ANKRD11: variants seen among roughly 807,000 people sequenced by gnomAD.
ANKRD11 encodes the protein ankyrin repeat domain 11.
In ANKRD11, 17 loss-of-function variants were observed where a neutral mutation model predicts 195.7. That is an observed-to-expected ratio of 0.09 (90% confidence interval 0.06 to 0.13). ANKRD11 has a LOEUF of 0.13. ANKRD11 is among the 10% of genes least tolerant of loss of function. The pLI is 1.00. For missense variants in ANKRD11, 3,735 were observed against 3,566.1 expected (o/e 1.05, Z -1.21); for synonymous variants, 1,953 against 1,528.1 (o/e 1.28, Z -6.49).
At chr16:89,320,581 C>T (rs566517530) in intron 2 of ANKRD11, among the ~76,000 whole-genome samples, 4 of 152,342 alleles carry the variant, frequency 2.6e-5, no homozygotes, top group East Asian at 3.9e-4. Context: ...GCAACCGTCC[C>T]AGCTTCGTGG....
intron 2 of ANKRD11, among the ~76,000 whole-genome samples, chr16:89,387,692 G>GAAAAAAAAAAAAAAAA (rs920498026): frequency 1.5e-5 from 1 of 67,496 alleles, no homozygotes; most frequent in Non-Finnish European, 3.1e-5. Flanking sequence ...AAAAGAAAAA[G>GAAAAAAAAAAAAAAAA]AAAAAAAAAA....
At position 89,305,648 on chromosome 16, in the gene ANKRD11, A is replaced by C. The variant is rs2036150336; in HGVS notation, c.88-304T>G. Among the ~76,000 whole-genome samples, 3 of 148,862 alleles carry C rather than the reference A, an allele frequency of 2.0e-5. 1 individual carries two copies. The highest frequency in any genetic ancestry group is 5.0e-5 in the African/African-American group (2 of 39,888). On this transcript the variant is annotated intron_variant, in intron 3 of 12. Coordinates refer to ENST00000301030, the MANE Select transcript of ANKRD11 (RefSeq NM_013275.6). Reference sequence around the variant, plus strand: ...AGGAGACACACACGCGCTACCTCTCACTCCGCAGACACGCGCTACCTCCCA... The same window carrying C: ...AGGAGACACACACGCGCTACCTCTCCCTCCGCAGACACGCGCTACCTCCCA...
intron 2 of ANKRD11, among the ~76,000 whole-genome samples, chr16:89,355,524 C>A (rs1012731154): frequency 6.6e-5 from 10 of 152,194 alleles, no homozygotes; most frequent in African/African-American, 2.4e-4. Flanking sequence ...CCATGTCCGG[C>A]ACATGCTCTG....
chr16:89,279,277 A>G lies in ANKRD11; in HGVS notation c.7265T>C (p.Ile2422Thr), dbSNP rs781533044. ...GTAGGGCTCGATGGCATCCAGCTTG[A>G]TGGCGTCCACGATGGCGGCCAGCGT... is the stretch of plus-strand genomic sequence containing the variant. Reference protein sequence around the residue: ...QQTLAAIVDAIKLDAIEPYHS... With the variant: ...QQTLAAIVDATKLDAIEPYHS... The change falls in exon 9 of 13, where the codon ATC (isoleucine) becomes ACC (threonine). Residue 2422 changes from isoleucine to threonine, a missense_variant. Physicochemically the swap from Ile to Thr is moderately conservative, Grantham distance 89 (BLOSUM62 -1). Coordinates refer to ENST00000301030, the MANE Select transcript of ANKRD11 (RefSeq NM_013275.6). The surrounding 1 kb of genome is among the most constrained non-coding windows in gnomAD (Gnocchi z 5.6). 6.2e-7 allele frequency: 1 copy of G among 1,611,756 alleles called. No homozygotes were observed. Among genetic ancestry groups the G allele is most frequent in the East Asian group, 2.2e-5 (1 of 44,868 alleles).
intron 1 of ANKRD11, among the ~76,000 whole-genome samples, chr16:89,438,810 A>G (rs1414114327): frequency 1.3e-5 from 2 of 152,134 alleles, no homozygotes; most frequent in Non-Finnish European, 2.9e-5. Flanking sequence ...GTTCAAGGCC[A>G]ACCAGAGCAA....
At chr16:89,334,172 A>AAAAAG (rs1555545552) in intron 2 of ANKRD11, among the ~76,000 whole-genome samples, 8 of 149,064 alleles carry the variant, frequency 5.4e-5, no homozygotes, top group African/African-American at 2.0e-4. Context: ...AAAAAAAAAA[A>AAAAAG]ACAGAGAGAG....
chr16:89,303,008 GACAAC>G (rs2035950430), intron 4 of ANKRD11, among the ~76,000 whole-genome samples: 1 of 152,162 alleles, frequency 6.6e-6, no homozygotes, highest in Non-Finnish European at 1.5e-5. Flanking sequence ...GGAAGCTTCT[GACAAC>G]ACAACAGGGC....
At chr16:89,368,656 C>G (rs80137645) in intron 2 of ANKRD11, among the ~76,000 whole-genome samples, 2,001 of 150,500 alleles carry the variant, frequency 0.013, 41 homozygotes, top group African/African-American at 0.045. Context: ...ATCTGTAATC[C>G]CAACATTTTG....
chr16:89,331,705 C>G (rs112841559), intron 2 of ANKRD11, among the ~76,000 whole-genome samples: 6 of 152,282 alleles, frequency 3.9e-5, no homozygotes, highest in African/African-American at 1.4e-4. Context: ...CCTACAGCCT[C>G]GAACTCCTGG....
At chr16:89,486,167 G>C (rs974919265) in intron 1 of ANKRD11, among the ~76,000 whole-genome samples, 1 of 152,152 alleles carries the variant, frequency 6.6e-6, no homozygotes, top group East Asian at 1.9e-4. Flanking sequence ...GAAAACAAAA[G>C]GGGGCTGAGC....
chr16:89,317,737 A>G (rs1239461816), intron 2 of ANKRD11, among the ~76,000 whole-genome samples: 1 of 152,200 alleles, frequency 6.6e-6, no homozygotes, highest in Non-Finnish European at 1.5e-5. Context: ...CCGAGGACAC[A>G]TACTGTATTA....
intron 2 of ANKRD11, among the ~76,000 whole-genome samples, chr16:89,394,253 C>T (rs2041328469): frequency 6.6e-6 from 1 of 152,190 alleles, no homozygotes; most frequent in African/African-American, 2.4e-5. Context: ...CAGTGGTCTC[C>T]CATGTCCCTG....
At chr16:89,314,089 C>CGGTCT (rs1394136901) in intron 3 of ANKRD11, among the ~76,000 whole-genome samples, 1 of 152,070 alleles carries the variant, frequency 6.6e-6, no homozygotes, top group Non-Finnish European at 1.5e-5. Context: ...CCGGGTGTAG[C>CGGTCT]GGTCTGCTCC....
At chr16:89,479,042 C>A (rs994710913) in intron 1 of ANKRD11, among the ~76,000 whole-genome samples, 1 of 152,112 alleles carries the variant, frequency 6.6e-6, no homozygotes, top group Admixed American at 6.6e-5. Context: ...CCTCAACCTT[C>A]GGGCCTCAAG....
At chr16:89,446,613 CAAAAACCAAA>C (rs2043804704) in intron 1 of ANKRD11, among the ~76,000 whole-genome samples, 2 of 152,088 alleles carry the variant, frequency 1.3e-5, no homozygotes, top group African/African-American at 4.8e-5. Flanking sequence ...CAAACAAAAA[CAAAAACCAAA>C]AAAAACCCAC....
chr16:89,398,107 C>T (rs2041526167), intron 2 of ANKRD11, among the ~76,000 whole-genome samples: 1 of 150,694 alleles, frequency 6.6e-6, no homozygotes, highest in South Asian at 2.1e-4. Flanking sequence ...AACCTCAGCG[C>T]TCTGGGAGGC....
At chr16:89,317,501 G>A (rs2037036277) in intron 2 of ANKRD11, among the ~76,000 whole-genome samples, 2 of 152,254 alleles carry the variant, frequency 1.3e-5, no homozygotes, top group South Asian at 4.1e-4. Context: ...CAGCCCTCAG[G>A]TCTGGCAGGT....
chr16:89,275,064 C>A (rs754147309), intron 10 of ANKRD11, 29 bp downstream of exon 10: 1 of 1,611,954 alleles, frequency 6.2e-7, no homozygotes, highest in South Asian at 1.1e-5. Flanking sequence ...CTGGCCGTGG[C>A]GCCCCCCTGC....
At chr16:89,333,286 T>C (rs911127331) in intron 2 of ANKRD11, among the ~76,000 whole-genome samples, 2 of 152,226 alleles carry the variant, frequency 1.3e-5, no homozygotes, top group African/African-American at 4.8e-5. Context: ...GAGCATGAAG[T>C]ACAGAGGGTT....
Sources: allele counts gnomAD v4.1 joint callset (sites outside exome capture counted in the v4.1 genomes callset), GRCh38; gene constraint gnomAD v4.1.1; non-coding constraint Gnocchi (gnomAD v3.1); transcripts MANE v1.5; gene names NCBI Gene and HGNC (gene_info 2026-07-23, HGNC 2026-07-21).